The following MSI2 variants were observed in gnomAD, a reference collection of about 807,000 sequenced individuals.
The protein encoded by MSI2 is RNA-binding protein Musashi homolog 2.
Under a neutral mutation model 45.6 loss-of-function variants are expected in MSI2, and 17 were observed. The ratio of observed to expected loss-of-function variants is 0.37; its 90% CI spans 0.26 to 0.56. The LOEUF is 0.56. MSI2 is among the 20% of genes least tolerant of loss of function. The pLI is 0.77. For synonymous variants in MSI2, 156 were observed against 158.2 expected (o/e 0.99, Z 0.11); for missense variants, 293 against 444.2 (o/e 0.66, Z 3.06).
chr17:57,295,498 A>AT lies in MSI2; in HGVS notation c.312+33312dup, dbSNP rs1219140886. Among the ~76,000 whole-genome samples, 13 of 152,148 alleles carry AT rather than the reference A, an allele frequency of 8.5e-5. No homozygotes were observed. The South Asian group carries it at 1.9e-3, about 22-fold the overall frequency. On this transcript the variant is annotated intron_variant, in intron 5 of 13. Transcript: ENST00000284073. ...TTTTTGGGGGATTATTATTATTATT[A>AT]TTTTTTATACAGGTGCGGTAGGTTG... is the stretch of plus-strand genomic sequence containing the variant.
intron 10 of MSI2, among the ~76,000 whole-genome samples, chr17:57,645,497 G>A (rs1414156764): frequency 1.3e-5 from 2 of 151,744 alleles, no homozygotes; most frequent in East Asian, 1.9e-4. Flanking sequence ...GTCCAGTGGC[G>A]CAATGTTGGC....
chr17:57,474,987 G>T (rs1446782524), intron 6 of MSI2, among the ~76,000 whole-genome samples: 1 of 152,212 alleles, frequency 6.6e-6, no homozygotes, highest in Non-Finnish European at 1.5e-5. Context: ...ATCCCAAAGT[G>T]CTGGGATTAC....
At chr17:57,645,405 G>A (rs1049191219) in intron 10 of MSI2, among the ~76,000 whole-genome samples, 65 of 152,052 alleles carry the variant, frequency 4.3e-4, no homozygotes, top group African/African-American at 1.5e-3. Flanking sequence ...TGTACACTGG[G>A]GTCATCTGGG....
rs60931600 is a variant in MSI2, at chr17:57,632,018, T to TA, written c.727+4724dup. 10,914 of 1,353,934 alleles carry TA rather than the reference T, an allele frequency of 8.1e-3. 717 individuals carry two copies. The African/African-American group carries it at 0.14, about 18-fold the overall frequency. 83.9% of individuals were successfully genotyped at this position (1,353,934 alleles called of 1,614,324 possible). A position where few individuals can be genotyped will look rare whatever the true frequency, so the allele number is the denominator to read the frequency against. ...TCATGTCCTCATTGCTTCACTCAAT[T>TA]AAAAAAAAATTATTCTCCAGTCCCC... is the stretch of plus-strand genomic sequence containing the variant. On this transcript the variant is annotated intron_variant, in intron 10 of 13. Coordinates refer to ENST00000284073, the MANE Select transcript of MSI2 (RefSeq NM_138962.4).
In MSI2 at chr17:57,407,931, G is replaced by A. The variant is rs904656072; in HGVS notation, c.405+6460G>A. ...CCCTGACCCCTGGCCAAGCTGCTCA[G>A]TGGGAAACAGCACAGCGAGTAGACA... On this transcript the variant is annotated intron_variant, in intron 6 of 13. Transcript: ENST00000284073. The surrounding 1 kb of genome is among the most constrained non-coding windows in gnomAD (Gnocchi z 4.1). Among the ~76,000 whole-genome samples the A allele has an allele frequency of 6.6e-6, 1 of 152,230 alleles. No homozygotes were observed. Among genetic ancestry groups the A allele is most frequent in the African/African-American group, 2.4e-5 (1 of 41,458 alleles).
rs1024921187 is a variant in MSI2 at position 57,615,591 on chromosome 17, A to G, written c.538-379A>G. Among the ~76,000 whole-genome samples, 32 of 152,144 alleles carry G rather than the reference A, an allele frequency of 2.1e-4. 1 individual carries two copies. The highest frequency in any genetic ancestry group is 7.2e-4 in the African/African-American group (30 of 41,420). On this transcript the variant is annotated intron_variant, in intron 8 of 13. Transcript: ENST00000284073. ...TTGTAAATGTGTAAAGGGCTGAAAAATCCTGAGGGATTATTATTATTGCTA... is the reference window on the plus strand; with the variant it reads ...TTGTAAATGTGTAAAGGGCTGAAAAGTCCTGAGGGATTATTATTATTGCTA...
rs192692561 is a variant in MSI2 at position 57,683,430 on chromosome 17, G to T, written c.*3913G>T. ...CTATTTTGATCTTTAGTGCAAACGA[G>T]GGCTAGGGACTTAGCCTCCTCCACC... On this transcript the variant is annotated 3_prime_UTR_variant, in exon 14 of 14. Transcript: ENST00000284073. This position sits in a 1 kb window ranked among gnomAD's most constrained non-coding sequence, Gnocchi z 5.2. 193 of 229,170 alleles carry T rather than the reference G, an allele frequency of 8.4e-4. No individual in the cohort carries two copies. Among genetic ancestry groups the T allele is most frequent in the African/African-American group, 3.8e-3 (171 of 45,166 alleles). 14.2% of individuals were successfully genotyped at this position (229,170 alleles called of 1,614,324 possible).
intron 7 of MSI2, among the ~76,000 whole-genome samples, chr17:57,577,340 G>C (rs2088076737): frequency 6.6e-6 from 1 of 152,192 alleles, no homozygotes; most frequent in African/African-American, 2.4e-5. Flanking sequence ...AATTGATGAG[G>C]CAGCAAGATG....
At chr17:57,632,068 T>C in intron 10 of MSI2, 2 of 1,316,442 alleles carry the variant, frequency 1.5e-6, no homozygotes, top group Non-Finnish European at 1.9e-6. Context: ...TTGTATGCAT[T>C]GTGACCGACC....
intron 7 of MSI2, among the ~76,000 whole-genome samples, chr17:57,546,979 A>C (rs7210875): frequency 0.32 from 47,977 of 152,116 alleles, 8,021 homozygotes; most frequent in African/African-American, 0.42. Context: ...GCTGAGGGCT[A>C]AGAAGAAGAG....
chr17:57,491,432 G>A (rs924036050), intron 6 of MSI2, among the ~76,000 whole-genome samples: 5 of 152,236 alleles, frequency 3.3e-5, no homozygotes, highest in African/African-American at 1.2e-4. Context: ...GTGCTGGAAA[G>A]CAGCCCAGGA....
At chr17:57,257,664 A>T in intron 3 of MSI2, 117 bp downstream of exon 3, 1 of 702,146 alleles carries the variant, frequency 1.4e-6, no homozygotes, top group Non-Finnish European at 2.4e-6. Context: ...CGCGTGGCTG[A>T]TCTCGAACGG....
In MSI2 at chr17:57,549,208, C is replaced by T. The variant is rs1359317484; in HGVS notation, c.454+19484C>T. Among the ~76,000 whole-genome samples the T allele has an allele frequency of 6.6e-5, 10 of 151,786 alleles. No homozygotes were observed. The South Asian group carries it at 8.3e-4, about 13-fold the overall frequency. ...TTGTTAATGAGTATATATTAAGCAT[C>T]TAATTGTGCATGCTGCCATCTAAGA... On this transcript the variant is annotated intron_variant, in intron 7 of 13. Transcript: ENST00000284073.
chr17:57,591,522 G>A (rs560571379), intron 7 of MSI2, among the ~76,000 whole-genome samples: 9 of 151,366 alleles, frequency 5.9e-5, no homozygotes, highest in East Asian at 2.0e-4. Context: ...CAGGAGTTTC[G>A]AGACCAGCCT....
chr17:57,587,638 G>A lies in MSI2; in HGVS notation c.455-9230G>A, dbSNP rs564275678. ...GTCGCTTTCCCCCTCCTGATTAAGC[G>A]TGTGGGGGAATAAAGAAGACCCGTG... On this transcript the variant is annotated intron_variant, in intron 7 of 13. Transcript: ENST00000284073. Among the ~76,000 whole-genome samples, 17 of 151,838 alleles carry A rather than the reference G, an allele frequency of 1.1e-4. No homozygotes were observed. The South Asian group carries it at 2.3e-3, about 20-fold the overall frequency.
At chr17:57,679,195 AG>A (rs1181734463) in intron 13 of MSI2, among the ~76,000 whole-genome samples, 1 of 152,210 alleles carries the variant, frequency 6.6e-6, no homozygotes, top group African/African-American at 2.4e-5. Context: ...AACAGAAAAA[AG>A]GTATCTCAGG....
At chr17:57,530,776 A>T (rs2086805628) in intron 7 of MSI2, among the ~76,000 whole-genome samples, 1 of 152,162 alleles carries the variant, frequency 6.6e-6, no homozygotes, top group African/African-American at 2.4e-5. Context: ...TGGAGAAGGC[A>T]GAGTGAGTGA....
intron 5 of MSI2, among the ~76,000 whole-genome samples, chr17:57,295,538 T>G (rs1260483832): frequency 1.3e-5 from 2 of 152,192 alleles, no homozygotes; most frequent in Non-Finnish European, 2.9e-5. Context: ...ATATTATTCA[T>G]GGAAATAGGC....
rs1299198637 is a variant in MSI2 at position 57,679,777 on chromosome 17, T to C, written c.*260T>C. The C allele has an allele frequency of 3.7e-6, 1 of 270,002 alleles. No individual in the cohort carries two copies. The highest frequency in any genetic ancestry group is 6.6e-6 in the Non-Finnish European group (1 of 151,800). The allele number at this position is 270,002 out of a possible 1,614,324, so 16.7% of individuals were successfully genotyped here. ...CCATGATTTCGGTTTTGTTTTGTTTTGTTTTTCTTGATGGTTTCCCTCTCC... is the reference window on the plus strand; with the variant it reads ...CCATGATTTCGGTTTTGTTTTGTTTCGTTTTTCTTGATGGTTTCCCTCTCC... On this transcript the variant is annotated 3_prime_UTR_variant, in exon 14 of 14. Transcript: ENST00000284073.
Sources: allele counts gnomAD v4.1 joint callset (sites outside exome capture counted in the v4.1 genomes callset), GRCh38; gene constraint gnomAD v4.1.1; non-coding constraint Gnocchi (gnomAD v3.1); transcripts MANE v1.5; gene names NCBI Gene and HGNC (gene_info 2026-07-23, HGNC 2026-07-21).